OR7E24: variants seen among roughly 807,000 people sequenced by gnomAD.
OR7E24 encodes the protein olfactory receptor 7E24.
For missense variants in OR7E24, 385 were observed against 410.3 expected, an observed-to-expected ratio of 0.94 and a Z score of 0.53; for synonymous variants, 130 against 157.5, an observed-to-expected ratio of 0.83 and a Z score of 1.31.
chr19:9,250,937 G>T lies in OR7E24; in HGVS notation c.-107G>T. The T allele has an allele frequency of 1.2e-6, 1 of 836,648 alleles. No individual in the cohort carries two copies. 51.8% of individuals were successfully genotyped at this position (836,648 alleles called of 1,614,324 possible). The stretch of plus-strand genomic sequence containing the variant: ...AAGTAACTCTAAGGAAATTGGGTTT[G>T]TCACAACTGAGAACTATTGCTGAGG... On this transcript the variant is annotated 5_prime_UTR_variant, in exon 1 of 1. Coordinates refer to ENST00000456448, the MANE Select transcript of OR7E24 (RefSeq NM_001079935.2).
At chr19:9,249,050 A>T (rs1347931734), upstream of OR7E24, among the ~76,000 whole-genome samples, 1 of 152,190 alleles carries the variant, frequency 6.6e-6, no homozygotes, top group Non-Finnish European at 1.5e-5. Context: ...CTCCTGTGTG[A>T]TCCCTATGTG....
chr19:9,217,570 G>T, the OR7E24 span, among the ~76,000 whole-genome samples: 3 of 152,032 alleles, frequency 2.0e-5, no homozygotes, highest in Non-Finnish European at 4.4e-5. Context: ...ATGGAATCTC[G>T]ATCTGTTGCC....
At chr19:9,218,668 C>A in the OR7E24 span, among the ~76,000 whole-genome samples, 1 of 152,036 alleles carries the variant, frequency 6.6e-6, no homozygotes, top group Non-Finnish European at 1.5e-5. Flanking sequence ...GTCACTTTGT[C>A]ACCTGGGCTG....
the OR7E24 span, chr19:9,214,313 C>T: frequency 2.1e-5 from 34 of 1,613,980 alleles, no homozygotes; most frequent in African/African-American, 8.0e-5. Flanking sequence ...AGAAGAAATG[C>T]GGAATCTCAG....
chr19:9,213,130 A>G, the OR7E24 span: 2 of 152,278 alleles, frequency 1.3e-5, no homozygotes, highest in Admixed American at 6.5e-5. Flanking sequence ...TAAACATTTT[A>G]TACGACTAAT....
At chr19:9,225,473 GGAAGGAAA>G in the OR7E24 span, among the ~76,000 whole-genome samples, 1 of 150,638 alleles carries the variant, frequency 6.6e-6, no homozygotes, top group Non-Finnish European at 1.5e-5. Context: ...AGGGAAGGAA[GGAAGGAAA>G]GAAGGAAGGA....
upstream of OR7E24, among the ~76,000 whole-genome samples, chr19:9,247,880 T>C (rs973991972): frequency 9.2e-5 from 14 of 152,224 alleles, no homozygotes; most frequent in African/African-American, 3.4e-4. Flanking sequence ...TATCACTTTG[T>C]ATGCTCATTG....
the OR7E24 span, among the ~76,000 whole-genome samples, chr19:9,239,870 G>A: frequency 7.3e-5 from 11 of 151,714 alleles, no homozygotes; most frequent in East Asian, 5.8e-4. Context: ...CACAGTGCCC[G>A]GCAAATTTTT....
At chr19:9,230,544 A>G in the OR7E24 span, among the ~76,000 whole-genome samples, 2 of 152,126 alleles carry the variant, frequency 1.3e-5, no homozygotes, top group Admixed American at 6.6e-5. Flanking sequence ...GGTTCCTGGT[A>G]GGTTTCCTGA....
At chr19:9,234,767 GAA>G in the OR7E24 span, among the ~76,000 whole-genome samples, 28 of 152,128 alleles carry the variant, frequency 1.8e-4, no homozygotes, top group Admixed American at 1.6e-3. Context: ...TCAGGTCACA[GAA>G]AAAAAGATTG....
chr19:9,235,644 C>T, the OR7E24 span: 2 of 1,541,546 alleles, frequency 1.3e-6, no homozygotes, highest in Admixed American at 3.5e-5. Flanking sequence ...AGAGGCTGAC[C>T]TTCTCCACAG....
chr19:9,246,090 T>TTTTTTTTTTTTTTTTTTTTTTTTTTTTA (rs1568335029), upstream of OR7E24, among the ~76,000 whole-genome samples: 1 of 97,632 alleles, frequency 1.0e-5, no homozygotes, highest in African/African-American at 4.7e-5. Flanking sequence ...TTTTTTTTTT[T>TTTTTTTTTTTTTTTTTTTTTTTTTTTTA]ATGGAGTCTT....
the OR7E24 span, chr19:9,212,758 T>A: frequency 1.3e-5 from 2 of 152,220 alleles, no homozygotes; most frequent in African/African-American, 4.8e-5. Context: ...GCTTTTGTGT[T>A]TGTTTTTGGT....
the OR7E24 span, among the ~76,000 whole-genome samples, chr19:9,218,935 A>G: frequency 6.7e-6 from 1 of 150,050 alleles, no homozygotes; most frequent in East Asian, 2.0e-4. Context: ...CGTTCAGCCA[A>G]GGGATTTTTA....
At position 9,251,446 on chromosome 19, in the gene OR7E24, G is replaced by A. The variant is rs761397855; in HGVS notation, c.403G>A (p.Val135Met). The change falls in exon 1 of 1, where the codon GTG becomes ATG. Residue 135 changes from valine to methionine, a missense_variant. Transcript: ENST00000456448. ...ATGTATGGATGACATGCTCCTGAGT[G>A]TGATGGCCTATGACCGGTTTGTGGC... Reference protein sequence around the residue: ...FACMDDMLLSVMAYDRFVAIC... With the variant: ...FACMDDMLLSMMAYDRFVAIC... 1 of 1,614,132 alleles carries A rather than the reference G, an allele frequency of 6.2e-7. No individual in the cohort carries two copies. Among genetic ancestry groups the A allele is most frequent in the Non-Finnish European group, 8.5e-7 (1 of 1,180,020 alleles).
the OR7E24 span, chr19:9,214,567 C>G: frequency 6.2e-7 from 1 of 1,614,006 alleles, no homozygotes. Context: ...TAGGAGATGT[C>G]TTTGCTCCGT....
At chr19:9,208,039 A>AT in the OR7E24 span, 3,124 of 141,012 alleles carry the variant, frequency 0.022, 39 homozygotes, top group Non-Finnish European at 0.029. Flanking sequence ...ATTAGTTTCT[A>AT]TTTTTTTTTT....
At chr19:9,244,632 G>A (rs2066124436), upstream of OR7E24, among the ~76,000 whole-genome samples, 1 of 152,072 alleles carries the variant, frequency 6.6e-6, no homozygotes, top group Non-Finnish European at 1.5e-5. Context: ...TCATGACATT[G>A]GATTTGGTAA....
At chr19:9,235,854 C>G in the OR7E24 span, 1 of 1,610,172 alleles carries the variant, frequency 6.2e-7, no homozygotes. Context: ...AGTACAAAGC[C>G]TTTTCCACCT....
Sources: gnomAD v4.1 joint callset for allele counts (sites outside exome capture counted in the v4.1 genomes callset) on GRCh38, gnomAD v4.1.1 for gene constraint, MANE v1.5 for transcripts, NCBI Gene and HGNC (gene_info 2026-07-23, HGNC 2026-07-21) for gene names.